Variants in RPSA2 observed in about 807,000 individuals in gnomAD.
The protein encoded by RPSA2 is ribosomal protein SA 2, also known as small ribosomal subunit protein uS2B.
the RPSA2 span, among the ~76,000 whole-genome samples, chr19:23,773,045 A>C: frequency 6.6e-6 from 1 of 150,730 alleles, no homozygotes; most frequent in East Asian, 2.0e-4. Context: ...ACCCCAGCCC[A>C]GGTGGCAGTC....
At chr19:23,779,321 C>A in the RPSA2 span, among the ~76,000 whole-genome samples, 6 of 151,996 alleles carry the variant, frequency 3.9e-5, 1 homozygote, top group Admixed American at 3.9e-4. Context: ...TTTGACTGAG[C>A]TCCTAGGTAA....
the RPSA2 span, among the ~76,000 whole-genome samples, chr19:23,859,986 CA>C: frequency 2.0e-5 from 3 of 152,218 alleles, no homozygotes; most frequent in South Asian, 2.1e-4. Flanking sequence ...ATTCTGGGCT[CA>C]AAAGTCTCTT....
At chr19:23,838,493 G>T in the RPSA2 span, among the ~76,000 whole-genome samples, 10 of 152,070 alleles carry the variant, frequency 6.6e-5, no homozygotes, top group East Asian at 1.9e-3. Flanking sequence ...AAAAGGTTTG[G>T]TACCACTTCT....
the RPSA2 span, among the ~76,000 whole-genome samples, chr19:23,773,254 G>A: frequency 1.4e-5 from 2 of 145,692 alleles, no homozygotes; most frequent in South Asian, 2.2e-4. Context: ...CTGCCACCAC[G>A]CCTGGCTAAT....
chr19:23,863,373 G>T, the RPSA2 span, among the ~76,000 whole-genome samples: 1 of 152,062 alleles, frequency 6.6e-6, no homozygotes, highest in Non-Finnish European at 1.5e-5. Context: ...AGACCAGCCT[G>T]GCCAACATGG....
chr19:23,865,249 T>C, the RPSA2 span, among the ~76,000 whole-genome samples: 1 of 152,222 alleles, frequency 6.6e-6, no homozygotes, highest in South Asian at 2.1e-4. Context: ...CATTTGTCTG[T>C]TGAAGAAAAA....
the RPSA2 span, among the ~76,000 whole-genome samples, chr19:23,762,152 G>C: frequency 6.0e-5 from 9 of 150,204 alleles, no homozygotes; most frequent in Non-Finnish European, 3.0e-5. Context: ...TCCTGACCTC[G>C]TGATCAGCCC....
the RPSA2 span, among the ~76,000 whole-genome samples, chr19:23,765,878 A>G: frequency 6.6e-6 from 1 of 152,348 alleles, no homozygotes; most frequent in South Asian, 2.1e-4. Context: ...TACACAGATG[A>G]ACAGGGTTCA....
chr19:23,843,980 A>C, the RPSA2 span, among the ~76,000 whole-genome samples: 1 of 152,104 alleles, frequency 6.6e-6, no homozygotes, highest in Non-Finnish European at 1.5e-5. Context: ...CCTGGTCTCC[A>C]ACTCCTGACC....
the RPSA2 span, chr19:23,827,645 C>T: frequency 1.9e-6 from 3 of 1,595,818 alleles, no homozygotes; most frequent in Non-Finnish European, 2.5e-6. Context: ...CATTGCCATC[C>T]CATGCAACAA....
chr19:23,789,595 A>AGT, the RPSA2 span, among the ~76,000 whole-genome samples: 1 of 152,148 alleles, frequency 6.6e-6, no homozygotes, highest in African/African-American at 2.4e-5. Context: ...CACAATCCTT[A>AGT]GTCTCCTCTT....
the RPSA2 span, among the ~76,000 whole-genome samples, chr19:23,802,929 G>A: frequency 6.6e-6 from 1 of 152,010 alleles, no homozygotes; most frequent in East Asian, 1.9e-4. Context: ...ATAAACAAGA[G>A]TTATTATTTG....
chr19:23,825,357 T>A, the RPSA2 span, among the ~76,000 whole-genome samples: 1 of 152,230 alleles, frequency 6.6e-6, no homozygotes, highest in Admixed American at 6.5e-5. Context: ...GATTTTTTAG[T>A]ATTTATTATA....
At chr19:23,849,276 G>C in the RPSA2 span, among the ~76,000 whole-genome samples, 1 of 152,202 alleles carries the variant, frequency 6.6e-6, no homozygotes, top group South Asian at 2.1e-4. Context: ...CAGTGGCAAT[G>C]CCCGATGTTC....
the RPSA2 span, among the ~76,000 whole-genome samples, chr19:23,798,645 T>C: frequency 2.0e-3 from 304 of 151,962 alleles, 1 homozygote; most frequent in Admixed American, 3.9e-3. Flanking sequence ...TATGTTAAAA[T>C]TATTCCTACT....
chr19:23,822,441 A>G, the RPSA2 span, among the ~76,000 whole-genome samples: 12 of 151,864 alleles, frequency 7.9e-5, no homozygotes, highest in African/African-American at 2.9e-4. Flanking sequence ...TGGATTGTGC[A>G]TTAGGAAGAT....
At chr19:23,815,992 G>T in the RPSA2 span, among the ~76,000 whole-genome samples, 137,327 of 146,732 alleles carry the variant, frequency 0.94, 64,356 homozygotes, top group East Asian at 0.98. Flanking sequence ...ATAAAATGTA[G>T]TTGTTTTTTT....
At chr19:23,788,702 T>G in the RPSA2 span, among the ~76,000 whole-genome samples, 2 of 152,236 alleles carry the variant, frequency 1.3e-5, no homozygotes, top group Admixed American at 1.3e-4. Flanking sequence ...AACTCGTATT[T>G]TGACTGGACC....
the RPSA2 span, chr19:23,763,262 C>T: frequency 6.6e-6 from 1 of 152,532 alleles, no homozygotes; most frequent in Non-Finnish European, 1.5e-5. Context: ...GTCCCAGGCC[C>T]CTCTGGCCGC....
Sources: allele counts gnomAD v4.1 joint callset (sites outside exome capture counted in the v4.1 genomes callset), GRCh38; gene constraint gnomAD v4.1.1; transcripts MANE v1.5; gene names NCBI Gene and HGNC (gene_info 2026-07-23, HGNC 2026-07-21).